SCD5: variants seen among roughly 807,000 people sequenced by gnomAD.
SCD5 encodes acyl-CoA-desaturase 4.
Under a neutral mutation model 30.4 loss-of-function variants are expected in SCD5, and 20 were observed. That is an observed-to-expected ratio of 0.66 (90% CI 0.46 to 0.96). SCD5 has a LOEUF of 0.96. Among genes scored for constraint, SCD5 ranks in the 40% least tolerant of loss-of-function variants. The pLI, the probability that SCD5 is intolerant of heterozygous loss-of-function variation, is 0.00. For missense variants in SCD5, 381 were observed against 443.3 expected, an observed-to-expected ratio of 0.86 and a Z score of 1.26; for synonymous variants, 173 against 176.4, an observed-to-expected ratio of 0.98 and a Z score of 0.16.
intron 3 of SCD5, among the ~76,000 whole-genome samples, chr4:82,644,552 G>T (rs929126058): frequency 6.6e-6 from 1 of 152,200 alleles, no homozygotes; most frequent in Non-Finnish European, 1.5e-5. Context: ...GTTAATAAAT[G>T]ATGAGTCTTG....
intron 3 of SCD5, among the ~76,000 whole-genome samples, chr4:82,638,466 T>C (rs564092880): frequency 2.2e-4 from 33 of 152,310 alleles, no homozygotes. Context: ...TGGATTTTGA[T>C]GGGTCACAAT....
intron 1 of SCD5, among the ~76,000 whole-genome samples, chr4:82,713,685 C>T (rs1461775491): frequency 1.3e-5 from 2 of 152,314 alleles, no homozygotes; most frequent in African/African-American, 2.4e-5. Flanking sequence ...GCAACTAACT[C>T]AACCAGAGAA....
intron 1 of SCD5, 92 bp from the exon 2 acceptor site, chr4:82,705,505 G>A (rs1719951145): frequency 2.0e-6 from 3 of 1,509,664 alleles, no homozygotes; most frequent in Non-Finnish European, 1.8e-6. Context: ...GGACACACGT[G>A]AAATGGTGTC....
At chr4:82,631,601 AC>A in intron 4 of SCD5, 84 bp from the exon 5 acceptor site, 1 of 1,448,042 alleles carries the variant, frequency 6.9e-7, no homozygotes, top group Non-Finnish European at 9.4e-7. Flanking sequence ...TTCAGGGTTT[AC>A]CATGTGCAGG....
At chr4:82,743,471 A>G (rs1720920127) in intron 1 of SCD5, among the ~76,000 whole-genome samples, 1 of 152,170 alleles carries the variant, frequency 6.6e-6, no homozygotes, top group South Asian at 2.1e-4. Context: ...AACTGTGATT[A>G]TGCCACTGCA....
At chr4:82,761,586 T>A (rs1209340048) in intron 1 of SCD5, among the ~76,000 whole-genome samples, 1 of 152,084 alleles carries the variant, frequency 6.6e-6, no homozygotes, top group Non-Finnish European at 1.5e-5. Flanking sequence ...CTTTTTTTTT[T>A]ATTATTATTA....
chr4:82,730,866 G>A (rs1408569496), intron 1 of SCD5, among the ~76,000 whole-genome samples: 2 of 152,142 alleles, frequency 1.3e-5, no homozygotes, highest in Non-Finnish European at 1.5e-5. Flanking sequence ...TTACAGGCGT[G>A]AGCCACAGCG....
At chr4:82,735,141 G>C (rs1162753588) in intron 1 of SCD5, among the ~76,000 whole-genome samples, 1 of 152,184 alleles carries the variant, frequency 6.6e-6, no homozygotes, top group Non-Finnish European at 1.5e-5. Flanking sequence ...ACATGGTTTT[G>C]TTACAATGTT....
intron 1 of SCD5, among the ~76,000 whole-genome samples, chr4:82,764,733 T>G (rs1216090072): frequency 6.6e-6 from 1 of 151,174 alleles, no homozygotes; most frequent in Admixed American, 6.6e-5. Context: ...TTTCTTTCTT[T>G]TTTTTTTTTT....
chr4:82,779,914 C>G (rs780189075), intron 1 of SCD5, among the ~76,000 whole-genome samples: 4 of 152,178 alleles, frequency 2.6e-5, no homozygotes, highest in Non-Finnish European at 5.9e-5. Flanking sequence ...AGTTTTGCCA[C>G]CAAATGGATT....
At chr4:82,730,695 CCTG>C (rs1268768801) in intron 1 of SCD5, among the ~76,000 whole-genome samples, 3 of 150,036 alleles carry the variant, frequency 2.0e-5, no homozygotes, top group African/African-American at 7.4e-5. Context: ...ACACCATTCT[CCTG>C]CCTCAGCCTC....
intron 1 of SCD5, among the ~76,000 whole-genome samples, chr4:82,713,921 C>A (rs1720164431): frequency 6.6e-6 from 1 of 152,166 alleles, no homozygotes; most frequent in Admixed American, 6.5e-5. Flanking sequence ...TCAGAACTTC[C>A]CCAGGCTCCG....
At chr4:82,652,595 T>C (rs1445715850) in intron 3 of SCD5, among the ~76,000 whole-genome samples, 1 of 152,208 alleles carries the variant, frequency 6.6e-6, no homozygotes, top group Non-Finnish European at 1.5e-5. Flanking sequence ...GAATTTCATA[T>C]GCACATAAAA....
chr4:82,708,501 G>A (rs1319644094), intron 1 of SCD5, among the ~76,000 whole-genome samples: 1 of 152,070 alleles, frequency 6.6e-6, no homozygotes, highest in Non-Finnish European at 1.5e-5. Flanking sequence ...CTACACCTAT[G>A]CCTGAAGCTA....
chr4:82,724,868 C>T (rs531631656), intron 1 of SCD5, among the ~76,000 whole-genome samples: 2 of 152,372 alleles, frequency 1.3e-5, no homozygotes, highest in South Asian at 4.1e-4. Context: ...AGGGCCTGTC[C>T]TCCACTGCCT....
intron 1 of SCD5, among the ~76,000 whole-genome samples, chr4:82,769,832 T>C (rs766133654): frequency 1.3e-5 from 2 of 152,174 alleles, no homozygotes; most frequent in African/African-American, 2.4e-5. Context: ...AAATAGATGG[T>C]TAATCTAGAT....
At chr4:82,755,789 T>G (rs1030277336) in intron 1 of SCD5, among the ~76,000 whole-genome samples, 1 of 152,236 alleles carries the variant, frequency 6.6e-6, no homozygotes. Flanking sequence ...AGCCTTATGA[T>G]GACAAGTCTT....
intron 3 of SCD5, 32 bp downstream of exon 3, chr4:82,680,675 G>C: frequency 6.2e-7 from 1 of 1,606,654 alleles, no homozygotes; most frequent in Non-Finnish European, 8.5e-7. Flanking sequence ...TGGCCCCTGA[G>C]GGACAGCTCT....
At position 82,781,914 on chromosome 4, in the gene SCD5, C is replaced by T. The variant is rs1015523892; in HGVS notation, c.232+16392G>A. Among the ~76,000 whole-genome samples the T allele has an allele frequency of 3.1e-4, 47 of 152,242 alleles. 1 individual carries two copies. Among genetic ancestry groups the T allele is most frequent in the Middle Eastern group, 3.4e-3 (1 of 294 alleles). ...TACTGTCCTAGATGAGGGTGGTCAT[C>T]AGACCTCATCACCCTGTGGGTGAGC... On this transcript the variant is annotated intron_variant, in intron 1 of 4. Coordinates refer to ENST00000319540, the MANE Select transcript of SCD5 (RefSeq NM_001037582.3).
Sources: gnomAD v4.1 joint callset for allele counts (sites outside exome capture counted in the v4.1 genomes callset) on GRCh38, gnomAD v4.1.1 for gene constraint, MANE v1.5 for transcripts, NCBI Gene and HGNC (gene_info 2026-07-23, HGNC 2026-07-21) for gene names.